The following CNTNAP5 variants were observed in gnomAD, a reference collection of about 807,000 sequenced individuals.
CNTNAP5 encodes the protein contactin associated protein family member 5.
CNTNAP5 carries 72 observed loss-of-function variants against 150.2 expected under a neutral mutation model. That is an observed-to-expected ratio of 0.48 (90% CI 0.40 to 0.58). The LOEUF (loss-of-function observed/expected upper bound fraction) is 0.58, where lower values mean the gene tolerates loss of function less well. Among genes scored for constraint, CNTNAP5 ranks in the 20% least tolerant of loss-of-function variants. The pLI is 0.00. For missense variants in CNTNAP5, 1,636 were observed against 1,626.2 expected (o/e 1.01, Z -0.10); for synonymous variants, 672 against 619.8 (o/e 1.08, Z -1.25).
chr2:124,218,706 G>T (rs944647816), intron 1 of CNTNAP5, among the ~76,000 whole-genome samples: 4 of 152,114 alleles, frequency 2.6e-5, no homozygotes, highest in African/African-American at 9.7e-5. Flanking sequence ...AAGTTAATGG[G>T]CTCTGGAAGC....
At chr2:124,224,745 A>T (rs1461765665) in intron 2 of CNTNAP5, among the ~76,000 whole-genome samples, 3 of 152,122 alleles carry the variant, frequency 2.0e-5, no homozygotes, top group African/African-American at 7.2e-5. Flanking sequence ...TCATTATATT[A>T]ATGCTATTAA....
At chr2:124,581,433 T>C (rs951181239) in intron 11 of CNTNAP5, among the ~76,000 whole-genome samples, 3 of 152,210 alleles carry the variant, frequency 2.0e-5, no homozygotes, top group African/African-American at 7.2e-5. Context: ...ATAGATTCCC[T>C]TATGTGATTC....
At chr2:124,813,555 G>T (rs1159793165) in intron 19 of CNTNAP5, among the ~76,000 whole-genome samples, 1 of 147,658 alleles carries the variant, frequency 6.8e-6, no homozygotes, top group Non-Finnish European at 1.5e-5. Flanking sequence ...TTACTTACAG[G>T]GGCAACTTTA....
At position 124,873,664 on chromosome 2, in the gene CNTNAP5, TA is replaced by T. The variant is rs768672837; in HGVS notation, c.3436+3903del. Reference sequence around the variant, plus strand: ...GAAACCAAACCCTATGTATCAGAAATAGAGTAAAGTAGGGATGGAGAAAACA... The same window carrying T: ...GAAACCAAACCCTATGTATCAGAAATGAGTAAAGTAGGGATGGAGAAAACA... On this transcript the variant is annotated intron_variant, in intron 21 of 23. Transcript: ENST00000682447. Among the ~76,000 whole-genome samples, 64 of 152,048 alleles carry T rather than the reference TA, an allele frequency of 4.2e-4. 1 individual carries two copies. Among genetic ancestry groups the T allele is most frequent in the Admixed American group, 3.0e-3 (45 of 15,252 alleles).
intron 3 of CNTNAP5, among the ~76,000 whole-genome samples, chr2:124,332,416 C>G (rs1689371991): frequency 6.6e-6 from 1 of 151,120 alleles, no homozygotes; most frequent in African/African-American, 2.4e-5. Flanking sequence ...TAGACTAACA[C>G]AATTTTATAC....
intron 13 of CNTNAP5, among the ~76,000 whole-genome samples, chr2:124,732,083 G>T (rs1457648852): frequency 6.6e-6 from 1 of 152,038 alleles, no homozygotes; most frequent in Admixed American, 6.6e-5. Context: ...GTATTACAAT[G>T]CAAAATAGCA....
At chr2:124,423,588 C>T (rs940888480) in intron 4 of CNTNAP5, among the ~76,000 whole-genome samples, 35 of 150,758 alleles carry the variant, frequency 2.3e-4, no homozygotes, top group African/African-American at 6.8e-4. Context: ...CCTCGTGATC[C>T]GCCCGCCTCA....
At chr2:124,667,228 T>C (rs1048948534) in intron 13 of CNTNAP5, among the ~76,000 whole-genome samples, 4 of 152,186 alleles carry the variant, frequency 2.6e-5, no homozygotes, top group Admixed American at 6.5e-5. Flanking sequence ...CCTGATTGAT[T>C]AGCACCAGAA....
chr2:124,124,772 GA>G (rs1241696256), intron 1 of CNTNAP5, among the ~76,000 whole-genome samples: 12 of 152,194 alleles, frequency 7.9e-5, no homozygotes, highest in Non-Finnish European at 1.8e-4. Flanking sequence ...CATTCTTAAA[GA>G]AAAGAATTTT....
chr2:124,722,718 T>C (rs1467717696), intron 13 of CNTNAP5, among the ~76,000 whole-genome samples: 1 of 152,112 alleles, frequency 6.6e-6, no homozygotes, highest in Admixed American at 6.6e-5. Flanking sequence ...AGAAAATGAA[T>C]TGGAGGCAGC....
At chr2:124,300,375 T>G (rs542445964) in intron 3 of CNTNAP5, among the ~76,000 whole-genome samples, 1 of 152,196 alleles carries the variant, frequency 6.6e-6, no homozygotes, top group East Asian at 1.9e-4. Flanking sequence ...AAGTGCAGAG[T>G]CACCTCACTG....
intron 13 of CNTNAP5, among the ~76,000 whole-genome samples, chr2:124,726,809 T>A (rs1053811577): frequency 1.3e-5 from 2 of 151,820 alleles, no homozygotes; most frequent in African/African-American, 2.4e-5. Context: ...CGATTGTTGA[T>A]TTTTTTTAAT....
chr2:124,446,534 C>G (rs1316794526), intron 5 of CNTNAP5, among the ~76,000 whole-genome samples: 1 of 152,146 alleles, frequency 6.6e-6, no homozygotes, highest in East Asian at 1.9e-4. Context: ...AAAACATGCC[C>G]TATTTTGTCT....
At chr2:124,798,636 A>G (rs1681899683) in intron 19 of CNTNAP5, among the ~76,000 whole-genome samples, 1 of 152,152 alleles carries the variant, frequency 6.6e-6, no homozygotes, top group Admixed American at 6.6e-5. Context: ...GCATATCCGA[A>G]TTTCAGAAGG....
chr2:124,340,978 A>C (rs1689601025), intron 3 of CNTNAP5, among the ~76,000 whole-genome samples: 1 of 151,500 alleles, frequency 6.6e-6, no homozygotes, highest in Admixed American at 6.6e-5. Flanking sequence ...CAGGAGGCTA[A>C]GATGGGAAGA....
At chr2:124,459,501 C>A (rs569198473) in intron 6 of CNTNAP5, among the ~76,000 whole-genome samples, 3 of 152,206 alleles carry the variant, frequency 2.0e-5, no homozygotes, top group South Asian at 2.1e-4. Context: ...CTAATCCCAG[C>A]ACTTTGGGAG....
intron 13 of CNTNAP5, among the ~76,000 whole-genome samples, chr2:124,720,324 T>C (rs921922424): frequency 6.6e-6 from 1 of 152,194 alleles, no homozygotes; most frequent in African/African-American, 2.4e-5. Context: ...TCATTAAAAC[T>C]GTTGAAAAAT....
At chr2:124,162,994 G>A (rs1195346287) in intron 1 of CNTNAP5, among the ~76,000 whole-genome samples, 1 of 151,972 alleles carries the variant, frequency 6.6e-6, no homozygotes, top group African/African-American at 2.4e-5. Flanking sequence ...ACAAAAAAGG[G>A]GACCTCAAGT....
intron 17 of CNTNAP5, among the ~76,000 whole-genome samples, chr2:124,788,603 C>CTTTTT (rs371311629): frequency 3.7e-5 from 5 of 136,332 alleles, no homozygotes; most frequent in Non-Finnish European, 6.3e-5. Context: ...TTCTTTCTTT[C>CTTTTT]TTTTTTTTTT....
Sources: gnomAD v4.1 joint callset for allele counts (sites outside exome capture counted in the v4.1 genomes callset) on GRCh38, gnomAD v4.1.1 for gene constraint, MANE v1.5 for transcripts, NCBI Gene and HGNC (gene_info 2026-07-23, HGNC 2026-07-21) for gene names.